Variants in NPTN observed in about 807,000 individuals in gnomAD.
NPTN encodes SDR-1.
NPTN carries 5 observed loss-of-function variants against 42.7 expected under a neutral mutation model. That is an observed-to-expected ratio of 0.12 (90% confidence interval 0.06 to 0.25). NPTN has a LOEUF of 0.25. NPTN is among the 10% of genes least tolerant of loss of function. The pLI, the probability that NPTN is intolerant of heterozygous loss-of-function variation, is 1.00. For synonymous variants in NPTN, 180 were observed against 201.9 expected, an observed-to-expected ratio of 0.89 and a Z score of 0.92; for missense variants, 307 against 525.4, an observed-to-expected ratio of 0.58 and a Z score of 4.06.
At chr15:73,576,405 T>C (rs1595906272) in intron 4 of NPTN, among the ~76,000 whole-genome samples, 2 of 152,152 alleles carry the variant, frequency 1.3e-5, no homozygotes, top group East Asian at 1.9e-4. Flanking sequence ...CTTGGTTCAC[T>C]GCAACCTCCA....
intron 7 of NPTN, among the ~76,000 whole-genome samples, chr15:73,563,002 G>T (rs1411511473): frequency 6.7e-6 from 1 of 150,112 alleles, no homozygotes; most frequent in African/African-American, 2.5e-5. Flanking sequence ...AAAAAAAAAA[G>T]TTTTTTGCAT....
At chr15:73,621,533 A>G (rs1898136362) in intron 1 of NPTN, among the ~76,000 whole-genome samples, 1 of 152,190 alleles carries the variant, frequency 6.6e-6, no homozygotes, top group Non-Finnish European at 1.5e-5. Flanking sequence ...CATACATTGT[A>G]ATTTAATCCC....
intron 1 of NPTN, among the ~76,000 whole-genome samples, chr15:73,611,672 G>T (rs1897587184): frequency 6.6e-6 from 1 of 152,162 alleles, no homozygotes. Flanking sequence ...AATGATTAGC[G>T]TATGTAATTA....
intron 5 of NPTN, among the ~76,000 whole-genome samples, chr15:73,572,684 C>CT (rs1477223603): frequency 3.9e-5 from 6 of 152,136 alleles, no homozygotes; most frequent in African/African-American, 9.7e-5. Context: ...CCCTCAGTAC[C>CT]TTGTTTCCTA....
intron 4 of NPTN, among the ~76,000 whole-genome samples, chr15:73,582,966 G>T (rs1896127749): frequency 6.6e-6 from 1 of 152,140 alleles, no homozygotes; most frequent in African/African-American, 2.4e-5. Context: ...AAGCGTGCAG[G>T]CAGCCTATTG....
intron 4 of NPTN, among the ~76,000 whole-genome samples, chr15:73,585,793 C>A (rs549864257): frequency 6.6e-6 from 1 of 152,290 alleles, no homozygotes; most frequent in African/African-American, 2.4e-5. Flanking sequence ...CCACACAGGG[C>A]TATTTGTACA....
chr15:73,583,506 G>A (rs1404808567), intron 4 of NPTN, among the ~76,000 whole-genome samples: 2 of 152,138 alleles, frequency 1.3e-5, no homozygotes, highest in Non-Finnish European at 1.5e-5. Flanking sequence ...AATGCACCTA[G>A]CACAGTGCCT....
chr15:73,584,229 TC>T (rs1896203022), intron 4 of NPTN, among the ~76,000 whole-genome samples: 1 of 152,100 alleles, frequency 6.6e-6, no homozygotes, highest in Non-Finnish European at 1.5e-5. Flanking sequence ...ACCAACAAAA[TC>T]CTCTTCCAAA....
At chr15:73,596,600 T>C (rs780198555) in intron 2 of NPTN, among the ~76,000 whole-genome samples, 2 of 152,118 alleles carry the variant, frequency 1.3e-5, no homozygotes, top group Non-Finnish European at 2.9e-5. Flanking sequence ...AGCAAAAGTA[T>C]AGCAGGAAAC....
intron 8 of NPTN, among the ~76,000 whole-genome samples, chr15:73,561,636 C>T (rs1382029490): frequency 6.6e-6 from 1 of 152,146 alleles, no homozygotes; most frequent in African/African-American, 2.4e-5. Flanking sequence ...GCCGAGATCA[C>T]ACCACTGCAC....
At chr15:73,601,088 T>A (rs1897064622) in intron 1 of NPTN, among the ~76,000 whole-genome samples, 1 of 152,172 alleles carries the variant, frequency 6.6e-6, no homozygotes, top group Non-Finnish European at 1.5e-5. Context: ...TCTCATTTCA[T>A]TCGCACAGTT....
intron 1 of NPTN, among the ~76,000 whole-genome samples, chr15:73,607,578 G>T (rs936876349): frequency 6.6e-6 from 1 of 152,062 alleles, no homozygotes; most frequent in Non-Finnish European, 1.5e-5. Context: ...AGAAACCACA[G>T]AGTCAAAAAC....
At chr15:73,601,159 T>G (rs1414658345) in intron 1 of NPTN, among the ~76,000 whole-genome samples, 1 of 152,170 alleles carries the variant, frequency 6.6e-6, no homozygotes, top group East Asian at 1.9e-4. Flanking sequence ...CAAAATCACT[T>G]AGGCAGTTAA....
At position 73,591,881 on chromosome 15, in the gene NPTN, G is replaced by A. The variant is rs944429619; in HGVS notation, c.611+85C>T. 7 of 1,324,698 alleles carry A rather than the reference G, an allele frequency of 5.3e-6. No individual in the cohort carries two copies. The African/African-American group carries it at 1.0e-4, about 19-fold the overall frequency. The allele number at this position is 1,324,698 out of a possible 1,614,324, so 82.1% of individuals were successfully genotyped here. A position where few individuals can be genotyped will look rare whatever the true frequency, so the allele number is the denominator to read the frequency against. Reference sequence around the variant, plus strand: ...ACCAAATATATCTCATGTCCCTTCTGCATGGCGCAACTATGGATTATGAAT... The same window carrying A: ...ACCAAATATATCTCATGTCCCTTCTACATGGCGCAACTATGGATTATGAAT... On this transcript the variant is annotated intron_variant, in intron 3 of 8. Transcript: ENST00000345330.
intron 1 of NPTN, among the ~76,000 whole-genome samples, chr15:73,604,629 G>A (rs532010749): frequency 1.3e-5 from 2 of 152,180 alleles, no homozygotes; most frequent in East Asian, 3.9e-4. Flanking sequence ...AATGAGCCAT[G>A]GTTTAAAAAA....
At chr15:73,598,522 T>C (rs907537696) in intron 1 of NPTN, among the ~76,000 whole-genome samples, 37 of 151,316 alleles carry the variant, frequency 2.4e-4, no homozygotes, top group African/African-American at 7.8e-4. Flanking sequence ...GTTAGGTCCA[T>C]AGGAAACAAA....
chr15:73,598,189 G>A (rs558455630), intron 1 of NPTN, among the ~76,000 whole-genome samples: 46 of 152,252 alleles, frequency 3.0e-4, no homozygotes, highest in African/African-American at 1.1e-3. Context: ...CTAATGGAGG[G>A]ACTGTGCCCT....
Position 73,560,504 on chromosome 15 carries a change from T to C in NPTN, c.*559A>G, listed in dbSNP as rs1311596629. On this transcript the variant is annotated 3_prime_UTR_variant, in exon 9 of 9. Coordinates refer to ENST00000345330, the MANE Select transcript of NPTN (RefSeq NM_012428.4). ...TTTCAGTTTATATTACTCATCTTTA[T>C]GTACCAGAACTGCACAATTTCCTCA... The C allele has an allele frequency of 6.6e-6, 1 of 152,492 alleles. No homozygotes were observed. The highest frequency in any genetic ancestry group is 1.5e-5 in the Non-Finnish European group (1 of 68,010). The allele number at this position is 152,492 out of a possible 1,614,324, so 9.4% of individuals were successfully genotyped here.
chr15:73,560,146 A>G lies in NPTN; in HGVS notation c.*917T>C. 1 of 363,686 alleles carries G rather than the reference A, an allele frequency of 2.7e-6. No individual in the cohort carries two copies. Among genetic ancestry groups the G allele is most frequent in the Non-Finnish European group, 4.9e-6 (1 of 206,088 alleles). The allele number at this position is 363,686 out of a possible 1,614,324, so 22.5% of individuals were successfully genotyped here. The stretch of plus-strand genomic sequence containing the variant: ...CGCACCGCATGAGAACCGTTAGGTT[A>G]TAAAATCTATCATCAACCAGTAAAT... On this transcript the variant is annotated 3_prime_UTR_variant, in exon 9 of 9. Transcript: ENST00000345330.
Sources: gnomAD v4.1 joint callset for allele counts (sites outside exome capture counted in the v4.1 genomes callset) on GRCh38, gnomAD v4.1.1 for gene constraint, MANE v1.5 for transcripts, NCBI Gene and HGNC (gene_info 2026-07-23, HGNC 2026-07-21) for gene names.